Variants in P2RY14 observed in about 807,000 individuals in gnomAD.
P2RY14 encodes the protein purinergic receptor P2Y14.
P2RY14 carries 2 observed loss-of-function variants against 0.9 expected under a neutral mutation model. The ratio of observed to expected loss-of-function variants is 2.16; its 90% confidence interval spans 0.88 to 6.79. The LOEUF (loss-of-function observed/expected upper bound fraction) is 6.79, where lower values mean the gene tolerates loss of function less well. P2RY14 is among the 30% of genes most tolerant of loss of function. The pLI is 0.05. For synonymous variants in P2RY14, 158 were observed against 147.2 expected, an observed-to-expected ratio of 1.07 and a Z score of -0.53; for missense variants, 378 against 400.1, an observed-to-expected ratio of 0.94 and a Z score of 0.47.
intron 1 of P2RY14, among the ~76,000 whole-genome samples, chr3:151,243,738 C>A (rs372697869): frequency 8.2e-4 from 125 of 151,714 alleles, no homozygotes; most frequent in Admixed American, 3.5e-3. Flanking sequence ...CTAACATCAT[C>A]ATGACAGGAT....
At chr3:151,233,721 G>T (rs569503804) in intron 1 of P2RY14, among the ~76,000 whole-genome samples, 1 of 152,320 alleles carries the variant, frequency 6.6e-6, no homozygotes, top group South Asian at 2.1e-4. Flanking sequence ...CAACAAGAGT[G>T]AAACTCCGTC....
chr3:151,253,932 T>G (rs1737307178), intron 1 of P2RY14, among the ~76,000 whole-genome samples: 2 of 152,062 alleles, frequency 1.3e-5, no homozygotes, highest in African/African-American at 4.8e-5. Context: ...CACTACTTTT[T>G]TTTTCTTCTT....
Position 151,269,012 on chromosome 3 carries a change from C to A in P2RY14, c.-133+9275G>T, listed in dbSNP as rs1740355394. The stretch of plus-strand genomic sequence containing the variant: ...AGCGGTGTGACCCCCAAAACCAAGA[C>A]TACTTCCTGCTCTGAGACCGGAGGA... On this transcript the variant is annotated intron_variant, in intron 1 of 2. Transcript: ENST00000309170. 1.3e-5 allele frequency among the ~76,000 whole-genome samples: 2 copies of A among 152,200 alleles called. 1 individual carries two copies. Among genetic ancestry groups the A allele is most frequent in the South Asian group, 4.1e-4 (2 of 4,830 alleles).
chr3:151,214,326 T>G lies in P2RY14; in HGVS notation c.-10A>C, dbSNP rs780557131. The G allele has an allele frequency of 6.2e-7, 1 of 1,608,714 alleles. No individual in the cohort carries two copies. The highest frequency in any genetic ancestry group is 8.5e-7 in the Non-Finnish European group (1 of 1,177,206). On this transcript the variant is annotated 5_prime_UTR_variant, in exon 3 of 3. Coordinates refer to ENST00000309170, the MANE Select transcript of P2RY14 (RefSeq NM_014879.4). The stretch of plus-strand genomic sequence containing the variant: ...AGGTTGAATTGATCATCTTGTAACT[T>G]CTGAAGGCAGAGGCCTGAAAAGAGG...
In P2RY14 at chr3:151,270,883, A is replaced by T. The variant is rs192736314; in HGVS notation, c.-133+7404T>A. On this transcript the variant is annotated intron_variant, in intron 1 of 2. Coordinates refer to ENST00000309170, the MANE Select transcript of P2RY14 (RefSeq NM_014879.4). ...ATTTAGAATTCACATTCTCTGTTGT[A>T]CTTTTGTACCTGTCTATTTTAAAAT... Among the ~76,000 whole-genome samples, 212 of 152,284 alleles carry T rather than the reference A, an allele frequency of 1.4e-3. 1 individual carries two copies. Among genetic ancestry groups the T allele is most frequent in the African/African-American group, 4.9e-3 (205 of 41,572 alleles).
intron 1 of P2RY14, among the ~76,000 whole-genome samples, chr3:151,222,443 G>T (rs191029605): frequency 6.6e-6 from 1 of 152,290 alleles, no homozygotes; most frequent in East Asian, 1.9e-4. Context: ...TCCATGTGTT[G>T]TGGGAGGGAC....
intron 1 of P2RY14, among the ~76,000 whole-genome samples, chr3:151,255,886 T>A (rs1191082915): frequency 6.6e-6 from 1 of 152,170 alleles, no homozygotes; most frequent in Non-Finnish European, 1.5e-5. Flanking sequence ...TTTCCCCATC[T>A]GCAAAAAGAG....
intron 1 of P2RY14, among the ~76,000 whole-genome samples, chr3:151,246,301 C>G (rs1401037769): frequency 6.6e-6 from 1 of 152,060 alleles, no homozygotes; most frequent in African/African-American, 2.4e-5. Flanking sequence ...AAAAAAGAGC[C>G]CGTATCGCCA....
intron 1 of P2RY14, among the ~76,000 whole-genome samples, chr3:151,226,978 C>T (rs771869969): frequency 1.4e-4 from 22 of 152,292 alleles, no homozygotes; most frequent in Non-Finnish European, 2.6e-4. Flanking sequence ...ACGCAGATCC[C>T]CTGGGGCCCC....
intron 2 of P2RY14, among the ~76,000 whole-genome samples, chr3:151,215,031 A>AG (rs944890296): frequency 1.3e-5 from 2 of 152,178 alleles, no homozygotes; most frequent in African/African-American, 4.8e-5. Context: ...TTGGACATGA[A>AG]GACAGTGTCT....
Position 151,241,185 on chromosome 3 carries a change from A to G in P2RY14, c.-132-21543T>C, listed in dbSNP as rs544350969. Reference sequence around the variant, plus strand: ...TTCTCCTTGCCCTTTGGCATCTGGGATTGCCTTTTGAGACTATATCTCTTT... The same window carrying G: ...TTCTCCTTGCCCTTTGGCATCTGGGGTTGCCTTTTGAGACTATATCTCTTT... On this transcript the variant is annotated intron_variant, in intron 1 of 2. Transcript: ENST00000309170. Among the ~76,000 whole-genome samples, 108 of 152,300 alleles carry G rather than the reference A, an allele frequency of 7.1e-4. 1 individual carries two copies. The highest frequency in any genetic ancestry group is 5.8e-3 in the South Asian group (28 of 4,826).
chr3:151,247,962 C>CTTTTTTTTTTTTTTTTTTT (rs61102632), intron 1 of P2RY14, among the ~76,000 whole-genome samples: 5 of 75,902 alleles, frequency 6.6e-5, no homozygotes, highest in African/African-American at 1.1e-4. Context: ...TCTTCTTCTT[C>CTTTTTTTTTTTTTTTTTTT]TTTTTTTTTT....
chr3:151,247,543 A>G (rs28537149), intron 1 of P2RY14, among the ~76,000 whole-genome samples: 70,435 of 144,420 alleles, frequency 0.49, 17,383 homozygotes, highest in Middle Eastern at 0.62. Flanking sequence ...ATTCTCACTC[A>G]TAGGTGGGAA....
chr3:151,264,724 C>A (rs1036738462), intron 1 of P2RY14, among the ~76,000 whole-genome samples: 1 of 152,168 alleles, frequency 6.6e-6, no homozygotes, highest in Non-Finnish European at 1.5e-5. Context: ...TCTAAAAACA[C>A]AAATTAAGTC....
At chr3:151,247,592 T>A (rs1735869547) in intron 1 of P2RY14, among the ~76,000 whole-genome samples, 1 of 116,282 alleles carries the variant, frequency 8.6e-6, no homozygotes, top group Non-Finnish European at 1.8e-5. Flanking sequence ...AAGGGGAATA[T>A]CACACTCCGG....
intron 1 of P2RY14, among the ~76,000 whole-genome samples, chr3:151,227,946 C>T (rs762290138): frequency 2.0e-4 from 30 of 152,186 alleles, no homozygotes; most frequent in Non-Finnish European, 3.2e-4. Context: ...CAACCAGCCA[C>T]GTCCCCACAC....
intron 1 of P2RY14, among the ~76,000 whole-genome samples, chr3:151,242,601 C>T (rs1435120024): frequency 2.0e-5 from 3 of 152,266 alleles, no homozygotes; most frequent in East Asian, 3.9e-4. Flanking sequence ...CACATCCACA[C>T]CAAAAACCCA....
chr3:151,250,507 A>G (rs910049972), intron 1 of P2RY14, among the ~76,000 whole-genome samples: 1 of 152,208 alleles, frequency 6.6e-6, no homozygotes, highest in African/African-American at 2.4e-5. Flanking sequence ...GCTATCTCAT[A>G]GAAGTGGAAT....
rs1441656940 is a variant in P2RY14, at chr3:151,213,801, A to G, written c.516T>C (p.Cys172=). 6.2e-7 allele frequency: 1 copy of G among 1,614,190 alleles called. No individual in the cohort carries two copies. The highest frequency in any genetic ancestry group is 1.1e-5 in the South Asian group (1 of 91,080). The part of the protein sequence containing the change: ...QSVREVTQIK[C]IELKSELGRK... ...GTCCCAGTTCACTTTTCAGTTCTAT[A>G]CATTTTATTTGTGTAACCTCCCTAA... Residue 172 remains cysteine (C), a synonymous_variant, in exon 3 of 3, where the codon TGT becomes TGC. Coordinates refer to ENST00000309170, the MANE Select transcript of P2RY14 (RefSeq NM_014879.4).
Sources: allele counts gnomAD v4.1 joint callset (sites outside exome capture counted in the v4.1 genomes callset), GRCh38; gene constraint gnomAD v4.1.1; transcripts MANE v1.5; gene names NCBI Gene and HGNC (gene_info 2026-07-23, HGNC 2026-07-21).